The following CEP126 variants were observed in gnomAD, a reference collection of about 807,000 sequenced individuals.
The protein encoded by CEP126 is centrosomal protein of 126 kDa.
CEP126 carries 74 observed loss-of-function variants against 107.8 expected under a neutral mutation model. The ratio of observed to expected loss-of-function variants is 0.69; its 90% CI spans 0.57 to 0.83. The LOEUF (loss-of-function observed/expected upper bound fraction) is 0.83, where lower values mean the gene tolerates loss of function less well. Ranked by LOEUF, CEP126 falls within the 40% of genes least tolerant of loss-of-function variation. The pLI, the probability that CEP126 is intolerant of heterozygous loss-of-function variation, is 0.00. For missense variants in CEP126, 1,237 were observed against 1,281.9 expected, an observed-to-expected ratio of 0.96 and a Z score of 0.53; for synonymous variants, 449 against 446.0, an observed-to-expected ratio of 1.01 and a Z score of -0.08.
At chr11:101,954,293 T>C (rs963152330) in intron 4 of CEP126, among the ~76,000 whole-genome samples, 2 of 152,212 alleles carry the variant, frequency 1.3e-5, no homozygotes, top group African/African-American at 4.8e-5. Flanking sequence ...CCCAAAGTGC[T>C]GGGAATACAG....
At chr11:101,977,540 A>G (rs1941204888) in intron 6 of CEP126, among the ~76,000 whole-genome samples, 1 of 150,402 alleles carries the variant, frequency 6.6e-6, no homozygotes, top group African/African-American at 2.4e-5. Flanking sequence ...CTGAGGCAGG[A>G]GAATCACCTG....
At position 101,962,630 on chromosome 11, in the gene CEP126, A is replaced by T. The variant is rs1484612987; in HGVS notation, c.1595A>T (p.Asp532Val). The change falls in exon 6 of 11, where the codon GAT (aspartate) becomes GTT (valine). Residue 532 changes from aspartate (D) to valine (V), a missense_variant. This residue lies in a region of CEP126 where 1,134 missense variants were observed against 1,150.5 expected (regional missense o/e 0.99). Coordinates refer to ENST00000263468, the MANE Select transcript of CEP126 (RefSeq NM_020802.4). ...FQDAYIPHNP[D>V]SKDEKQKLAE... The stretch of plus-strand genomic sequence containing the variant: ...GATGCCTATATACCTCACAATCCTG[A>T]TTCAAAAGATGAAAAACAAAAATTA... 1 of 1,613,038 alleles carries T rather than the reference A, an allele frequency of 6.2e-7. No homozygotes were observed. Among genetic ancestry groups the T allele is most frequent in the Non-Finnish European group, 8.5e-7 (1 of 1,179,726 alleles).
chr11:101,990,613 G>A (rs1211981726), intron 9 of CEP126, among the ~76,000 whole-genome samples: 1 of 152,066 alleles, frequency 6.6e-6, no homozygotes, highest in South Asian at 2.1e-4. Flanking sequence ...GGCCACACAG[G>A]GTCTGCTTAA....
chr11:101,966,447 A>G (rs566950196), intron 6 of CEP126, among the ~76,000 whole-genome samples: 2 of 152,238 alleles, frequency 1.3e-5, no homozygotes, highest in South Asian at 4.1e-4. Context: ...CTTGTTCTCA[A>G]TTAGCATTTC....
At chr11:101,968,728 TTAGA>T (rs1470486622) in intron 6 of CEP126, among the ~76,000 whole-genome samples, 2 of 152,118 alleles carry the variant, frequency 1.3e-5, no homozygotes, top group Non-Finnish European at 2.9e-5. Context: ...CACCAGGGGC[TTAGA>T]TAAAGGTAAA....
chr11:101,953,358 G>C (rs956562473), intron 4 of CEP126, among the ~76,000 whole-genome samples: 3 of 152,132 alleles, frequency 2.0e-5, no homozygotes, highest in African/African-American at 7.2e-5. Flanking sequence ...GACTTAGAAA[G>C]TTAACTCAAA....
chr11:101,959,745 A>G (rs979296347), intron 5 of CEP126, among the ~76,000 whole-genome samples: 1 of 152,214 alleles, frequency 6.6e-6, no homozygotes, highest in Non-Finnish European at 1.5e-5. Flanking sequence ...AAAACATACT[A>G]TCAGAAATGA....
chr11:101,977,812 G>A (rs1941209816), intron 6 of CEP126, among the ~76,000 whole-genome samples: 2 of 151,936 alleles, frequency 1.3e-5, no homozygotes, highest in African/African-American at 4.8e-5. Flanking sequence ...TCACTTACCT[G>A]GGCACACATA....
Position 101,978,410 on chromosome 11 carries a change from A to G in CEP126, c.2909A>G (p.Lys970Arg). Residue 970 changes from lysine to arginine, a missense_variant, in exon 7 of 11, where the codon AAA becomes AGA. Transcript: ENST00000263468. ...ETKRRNILEQ[K>R]RQNPGSVGQK... Reference sequence around the variant, plus strand: ...AAGCGGAGAAATATTTTAGAGCAGAAAAGACAAAACCCTGGATCTGTAGGA... The same window carrying G: ...AAGCGGAGAAATATTTTAGAGCAGAGAAGACAAAACCCTGGATCTGTAGGA... The G allele has an allele frequency of 1.9e-6, 3 of 1,613,730 alleles. No individual in the cohort carries two copies. The highest frequency in any genetic ancestry group is 2.5e-6 in the Non-Finnish European group (3 of 1,179,754).
intron 2 of CEP126, 76 bp from the exon 3 acceptor site, chr11:101,944,189 A>C: frequency 7.6e-7 from 1 of 1,314,168 alleles, no homozygotes; most frequent in Non-Finnish European, 1.0e-6. Context: ...ATTGTTATAT[A>C]ATAAATGCGT....
intron 6 of CEP126, among the ~76,000 whole-genome samples, chr11:101,969,310 C>A (rs1941097391): frequency 6.6e-6 from 1 of 152,190 alleles, no homozygotes; most frequent in African/African-American, 2.4e-5. Context: ...CATGAGCCAC[C>A]ACACCCAGCC....
At chr11:101,991,907 G>A (rs2137135798) in intron 9 of CEP126, among the ~76,000 whole-genome samples, 1 of 152,248 alleles carries the variant, frequency 6.6e-6, no homozygotes, top group African/African-American at 2.4e-5. Context: ...TTGCATCCTT[G>A]CAATTAATAT....
At chr11:101,979,718 A>G (rs1941233769) in intron 7 of CEP126, among the ~76,000 whole-genome samples, 2 of 152,220 alleles carry the variant, frequency 1.3e-5, no homozygotes, top group Admixed American at 6.5e-5. Context: ...AGCCCAGGTG[A>G]CAGAGCAAGA....
intron 6 of CEP126, among the ~76,000 whole-genome samples, chr11:101,974,987 A>T (rs1389643684): frequency 6.6e-6 from 1 of 152,232 alleles, no homozygotes; most frequent in Admixed American, 6.5e-5. Context: ...TAAAACCCTG[A>T]CACAGCAGTT....
Position 101,978,366 on chromosome 11 carries a change from A to G in CEP126, c.2865A>G (p.Arg955=). ...TTTAAGGGTCTACTGTTATGAGAAGAAAACGAATTGCTGAAACTAAGCGGA... is the reference window on the plus strand; with the variant it reads ...TTTAAGGGTCTACTGTTATGAGAAGGAAACGAATTGCTGAAACTAAGCGGA... ...KRATGSTVMR[R]KRIAETKRRN... The change falls in exon 7 of 11, where the codon AGA becomes AGG. Residue 955 remains arginine, a synonymous_variant. Transcript: ENST00000263468. 6.2e-7 allele frequency: 1 copy of G among 1,613,078 alleles called. No homozygotes were observed. Among genetic ancestry groups the G allele is most frequent in the Non-Finnish European group, 8.5e-7 (1 of 1,179,248 alleles).
rs963294919 is a variant in CEP126 at position 101,992,378 on chromosome 11, T to C, written c.3245-400T>C. ...TATTATATAGACAAAAATCTAAAAA[T>C]TGAAAAGGCAACCAAGTGACTCAAT... On this transcript the variant is annotated intron_variant, in intron 9 of 10. Coordinates refer to ENST00000263468, the MANE Select transcript of CEP126 (RefSeq NM_020802.4). Among the ~76,000 whole-genome samples, 53 of 152,182 alleles carry C rather than the reference T, an allele frequency of 3.5e-4. 1 individual carries two copies. The highest frequency in any genetic ancestry group is 1.2e-3 in the African/African-American group (51 of 41,562).
chr11:101,924,330 C>T (rs553424496), intron 2 of CEP126, among the ~76,000 whole-genome samples: 3 of 152,260 alleles, frequency 2.0e-5, no homozygotes, highest in South Asian at 4.1e-4. Context: ...TTATGGTCTT[C>T]TTAACCATGC....
intron 6 of CEP126, among the ~76,000 whole-genome samples, chr11:101,964,501 C>T (rs557349834): frequency 3.9e-4 from 59 of 151,464 alleles, no homozygotes; most frequent in Non-Finnish European, 6.6e-4. Flanking sequence ...GGCATGGTGG[C>T]GCGTGCCTGT....
intron 4 of CEP126, among the ~76,000 whole-genome samples, chr11:101,950,346 A>T (rs1196210130): frequency 3.3e-5 from 5 of 152,250 alleles, no homozygotes; most frequent in Non-Finnish European, 7.3e-5. Context: ...CCCTTAAAAA[A>T]GATCTTATGA....
Sources: gnomAD v4.1 joint callset for allele counts (sites outside exome capture counted in the v4.1 genomes callset) on GRCh38, gnomAD v4.1.1 for gene constraint, gnomAD v4.1.1 regional missense constraint, MANE v1.5 for transcripts, NCBI Gene and HGNC (gene_info 2026-07-23, HGNC 2026-07-21) for gene names.